The following CFHR5 variants were observed in gnomAD, a reference collection of about 807,000 sequenced individuals.
CFHR5 encodes the protein complement factor H-related protein 5.
Under a neutral mutation model 62.9 loss-of-function variants are expected in CFHR5, and 73 were observed. The observed-to-expected ratio is 1.16, with a 90% CI of 0.96 to 1.41. The LOEUF is 1.41. CFHR5 is among the 40% of genes most tolerant of loss of function. The pLI, the probability that CFHR5 is intolerant of heterozygous loss-of-function variation, is 0.00. For synonymous variants in CFHR5, 249 were observed against 227.2 expected, an observed-to-expected ratio of 1.10 and a Z score of -0.86; for missense variants, 779 against 679.9, an observed-to-expected ratio of 1.15 and a Z score of -1.62.
chr1:196,992,409 C>G (rs1653872579), intron 3 of CFHR5, among the ~76,000 whole-genome samples: 1 of 152,048 alleles, frequency 6.6e-6, no homozygotes, highest in Non-Finnish European at 1.5e-5. Flanking sequence ...GTGAGTGTCC[C>G]GATTTTCCAG....
chr1:196,976,972 A>AT (rs970612061), upstream of CFHR5, among the ~76,000 whole-genome samples: 14 of 150,552 alleles, frequency 9.3e-5, no homozygotes, highest in South Asian at 8.5e-4. Flanking sequence ...GCCTGGCTAA[A>AT]TTTTTTTTGT....
intron 8 of CFHR5, among the ~76,000 whole-genome samples, chr1:197,003,967 A>G (rs1571528677): frequency 6.6e-6 from 1 of 152,162 alleles, no homozygotes; most frequent in Non-Finnish European, 1.5e-5. Context: ...GAAGAAGTCA[A>G]TCTGAGAAAG....
chr1:196,988,428 G>A (rs75567332), intron 3 of CFHR5, among the ~76,000 whole-genome samples: 30,532 of 152,038 alleles, frequency 0.2, 3,268 homozygotes, highest in Middle Eastern at 0.34. Flanking sequence ...TGGTAAGAGA[G>A]GGCATCCCTG....
At chr1:196,982,308 G>A (rs1006594204) in intron 1 of CFHR5, among the ~76,000 whole-genome samples, 1 of 152,084 alleles carries the variant, frequency 6.6e-6, no homozygotes, top group African/African-American at 2.4e-5. Context: ...TGAGGATATT[G>A]TTCTTGAAGA....
At chr1:196,981,032 T>C (rs1653528417) in intron 1 of CFHR5, among the ~76,000 whole-genome samples, 1 of 152,138 alleles carries the variant, frequency 6.6e-6, no homozygotes, top group Admixed American at 6.5e-5. Flanking sequence ...AACAGTTAGG[T>C]AATAAATTTA....
intron 3 of CFHR5, among the ~76,000 whole-genome samples, chr1:196,989,466 T>G (rs1187649912): frequency 1.3e-5 from 2 of 152,142 alleles, no homozygotes; most frequent in Non-Finnish European, 2.9e-5. Flanking sequence ...GATCTTAGAG[T>G]GTTGACTTTA....
intron 1 of CFHR5, among the ~76,000 whole-genome samples, chr1:196,979,986 T>G (rs1272631593): frequency 6.6e-6 from 1 of 152,158 alleles, no homozygotes; most frequent in African/African-American, 2.4e-5. Context: ...TTTCTATCCT[T>G]ATTCTGTAAG....
intron 3 of CFHR5, among the ~76,000 whole-genome samples, chr1:196,987,586 G>C (rs1286241414): frequency 6.6e-6 from 1 of 152,110 alleles, no homozygotes; most frequent in Non-Finnish European, 1.5e-5. Context: ...CATATGGCCA[G>C]GCAGTTTTCC....
chr1:196,998,141 TAAG>T lies in CFHR5; in HGVS notation c.986_988del (p.Lys329del), dbSNP rs752782146. 6.2e-5 allele frequency: 96 copies of T among 1,548,042 alleles called. No individual in the cohort carries two copies. The African/African-American group carries it at 1.2e-3, about 19-fold the overall frequency. ...TATTTTTTATAGCAACACACCAACT[TAAG>T]AGGTGCAAAATAGCAGGAGTTAATA... On this transcript the variant is annotated inframe_deletion, in exon 7 of 10. Coordinates refer to ENST00000256785, the MANE Select transcript of CFHR5 (RefSeq NM_030787.4).
intron 7 of CFHR5, among the ~76,000 whole-genome samples, chr1:196,999,849 T>C (rs1654100506): frequency 6.7e-6 from 1 of 148,848 alleles, no homozygotes; most frequent in South Asian, 2.1e-4. Flanking sequence ...TATATATGTA[T>C]ATCCTAAAAA....
rs771968391 is a variant in CFHR5, at chr1:197,002,519, A to G, written c.1185A>G (p.Ile395Met). ...AATTCTGCCCACCGCCACCTCAGAT[A>G]CCTAATGCTCAGAATATGACAACCA... ...REQFCPPPPQ[I>M]PNAQNMTTTV... The change falls in exon 8 of 10, where the codon ATA becomes ATG. Residue 395 changes from isoleucine (I) to methionine (M), a missense_variant. By Grantham distance (10) the Ile-to-Met change is conservative. Coordinates refer to ENST00000256785, the MANE Select transcript of CFHR5 (RefSeq NM_030787.4). 1 of 1,613,632 alleles carries G rather than the reference A, an allele frequency of 6.2e-7. No individual in the cohort carries two copies. Among genetic ancestry groups the G allele is most frequent in the Admixed American group, 1.7e-5 (1 of 59,974 alleles).
intron 3 of CFHR5, among the ~76,000 whole-genome samples, chr1:196,990,641 G>A (rs2125031395): frequency 6.6e-6 from 1 of 152,200 alleles, no homozygotes; most frequent in Non-Finnish European, 1.5e-5. Context: ...GCTTAGTTTG[G>A]CTGGATATGA....
intron 3 of CFHR5, among the ~76,000 whole-genome samples, chr1:196,991,440 G>A (rs748262438): frequency 1.3e-5 from 2 of 152,198 alleles, no homozygotes; most frequent in Non-Finnish European, 2.9e-5. Context: ...TGGAGGAGAA[G>A]AGACACTCTG....
In CFHR5 at chr1:197,009,000, G is replaced by T; in HGVS notation, c.*317G>T. The T allele has an allele frequency of 7.7e-6, 2 of 261,130 alleles. No individual in the cohort carries two copies. The highest frequency in any genetic ancestry group is 1.5e-5 in the Non-Finnish European group (2 of 132,758). 16.2% of individuals were successfully genotyped at this position (261,130 alleles called of 1,614,324 possible). ...CCAAGATGGTGGGGCTGCCTCTGGTGAGGGTCTTCTCGAAGCATCATAATA... is the reference window on the plus strand; with the variant it reads ...CCAAGATGGTGGGGCTGCCTCTGGTTAGGGTCTTCTCGAAGCATCATAATA... On this transcript the variant is annotated 3_prime_UTR_variant, in exon 10 of 10. Transcript: ENST00000256785.
chr1:196,976,515 G>T (rs1327015897), upstream of CFHR5, among the ~76,000 whole-genome samples: 1 of 152,134 alleles, frequency 6.6e-6, no homozygotes, highest in East Asian at 1.9e-4. Context: ...ACGGAATTGG[G>T]CTGCGAGACA....
At position 196,984,030 on chromosome 1, in the gene CFHR5, A is replaced by G; in HGVS notation, c.323A>G (p.Asp108Gly). The G allele has an allele frequency of 6.2e-7, 1 of 1,612,818 alleles. No homozygotes were observed. The highest frequency in any genetic ancestry group is 8.5e-7 in the Non-Finnish European group (1 of 1,178,938). ...ESSGLIHLEG[D>G]TVQIICNTGY... Reference sequence around the variant, plus strand: ...TCAGGACTAATACATCTGGAAGGTGATACTGTACAAATTATTTGCAACACA... The same window carrying G: ...TCAGGACTAATACATCTGGAAGGTGGTACTGTACAAATTATTTGCAACACA... The change falls in exon 3 of 10, where the codon GAT becomes GGT. Residue 108 changes from aspartate (D) to glycine (G), a missense_variant. Physicochemically the swap from Asp to Gly is moderately conservative, Grantham distance 94. Coordinates refer to ENST00000256785, the MANE Select transcript of CFHR5 (RefSeq NM_030787.4).
rs1558280337 is a variant in CFHR5, at chr1:196,977,721, AG to A, written c.58+1del. ...ISWVSTVGGE[G>X]TLCDFPKIHH... Reference sequence around the variant, plus strand: ...CATGGGTATCCACTGTTGGGGGAGAAGGTAAGTTGAAAACAGATCCGAATAT... The same window carrying A: ...CATGGGTATCCACTGTTGGGGGAGAAGTAAGTTGAAAACAGATCCGAATAT... On this transcript the variant is annotated frameshift_variant and splice_region_variant, in exon 1 of 10. Coordinates refer to ENST00000256785, the MANE Select transcript of CFHR5 (RefSeq NM_030787.4). LOFTEE classifies it high-confidence loss of function. 1 of 1,610,800 alleles carries A rather than the reference AG, an allele frequency of 6.2e-7. No homozygotes were observed. Among genetic ancestry groups the A allele is most frequent in the South Asian group, 1.1e-5 (1 of 90,916 alleles).
intron 7 of CFHR5, 142 bp from the exon 8 acceptor site, chr1:197,002,340 A>T (rs569277337): frequency 1.6e-6 from 1 of 615,156 alleles, no homozygotes; most frequent in African/African-American, 1.9e-5. Context: ...ACATTTATAT[A>T]TAGGGAGAGA....
At chr1:196,995,057 C>T (rs1653953060) in intron 4 of CFHR5, among the ~76,000 whole-genome samples, 1 of 152,030 alleles carries the variant, frequency 6.6e-6, no homozygotes, top group Admixed American at 6.6e-5. Context: ...AGGACACAGC[C>T]AATCCATATC....
Sources: allele counts gnomAD v4.1 joint callset (sites outside exome capture counted in the v4.1 genomes callset), GRCh38; gene constraint gnomAD v4.1.1; transcripts MANE v1.5; gene names NCBI Gene and HGNC (gene_info 2026-07-23, HGNC 2026-07-21).